Variants in CADPS2 observed in about 807,000 individuals in gnomAD.
CADPS2 encodes the protein calcium dependent secretion activator 2.
A neutral mutation model predicts 172.5 loss-of-function variants in CADPS2; 93 were observed. The observed-to-expected ratio is 0.54, with a 90% confidence interval of 0.46 to 0.64. The LOEUF (loss-of-function observed/expected upper bound fraction) is 0.64. CADPS2 is among the 30% of genes least tolerant of loss of function. The probability of loss-of-function intolerance (pLI) is 0.00; values close to 1 mark genes in which losing one functional copy is unlikely to be tolerated. For missense variants in CADPS2, 1,420 were observed against 1,565.9 expected, an observed-to-expected ratio of 0.91 and a Z score of 1.57; for synonymous variants, 546 against 555.2, an observed-to-expected ratio of 0.98 and a Z score of 0.23.
At chr7:122,640,607 G>A (rs2077523098) in intron 3 of CADPS2, among the ~76,000 whole-genome samples, 1 of 151,784 alleles carries the variant, frequency 6.6e-6, no homozygotes, top group South Asian at 2.1e-4. Flanking sequence ...TTTCCATGCT[G>A]TTCCCTAAAA....
At chr7:122,439,174 T>C (rs2051035291) in intron 16 of CADPS2, among the ~76,000 whole-genome samples, 1 of 152,148 alleles carries the variant, frequency 6.6e-6, no homozygotes, top group South Asian at 2.1e-4. Context: ...ATGTTATTAC[T>C]GGGCAAGGGG....
At chr7:122,448,354 A>G (rs2152016378) in intron 15 of CADPS2, among the ~76,000 whole-genome samples, 1 of 152,188 alleles carries the variant, frequency 6.6e-6, no homozygotes, top group African/African-American at 2.4e-5. Context: ...CTACCATCCA[A>G]TTACCTCCAC....
At chr7:122,788,852 C>T (rs1442668042) in intron 1 of CADPS2, among the ~76,000 whole-genome samples, 1 of 152,174 alleles carries the variant, frequency 6.6e-6, no homozygotes, top group Non-Finnish European at 1.5e-5. Context: ...AACTTGTCCT[C>T]CTCAGGGCTT....
chr7:122,815,970 G>C (rs951381723), intron 1 of CADPS2, among the ~76,000 whole-genome samples: 3 of 152,088 alleles, frequency 2.0e-5, no homozygotes, highest in Non-Finnish European at 2.9e-5. Flanking sequence ...TATCAAATGA[G>C]GGTAATTAGG....
intron 6 of CADPS2, among the ~76,000 whole-genome samples, chr7:122,600,977 C>A (rs2072674102): frequency 6.6e-6 from 1 of 151,954 alleles, no homozygotes; most frequent in African/African-American, 2.4e-5. Context: ...CTGATTTTAA[C>A]AAAAATAATG....
chr7:122,438,543 A>G, intron 16 of CADPS2, 79 bp from the exon 17 acceptor site: 3 of 1,479,114 alleles, frequency 2.0e-6, no homozygotes, highest in Non-Finnish European at 2.8e-6. Context: ...ATGTTGCATA[A>G]AATAAATACT....
intron 8 of CADPS2, among the ~76,000 whole-genome samples, chr7:122,526,631 C>A (rs1205672164): frequency 6.6e-6 from 1 of 152,178 alleles, no homozygotes; most frequent in Admixed American, 6.5e-5. Context: ...CAATTTCATC[C>A]ATTTCTAACA....
chr7:122,739,021 G>A (rs1365694325), intron 1 of CADPS2, among the ~76,000 whole-genome samples: 1 of 152,134 alleles, frequency 6.6e-6, no homozygotes, highest in Non-Finnish European at 1.5e-5. Flanking sequence ...GAAAATGGAA[G>A]CAGGTACCTT....
chr7:122,629,466 T>C (rs1391019984), intron 3 of CADPS2, 138 bp from the exon 4 acceptor site: 1 of 495,768 alleles, frequency 2.0e-6, no homozygotes, highest in East Asian at 3.4e-5. Context: ...AGATATCTAT[T>C]ACAAAGAGAA....
intron 8 of CADPS2, among the ~76,000 whole-genome samples, chr7:122,518,243 A>G (rs965304550): frequency 6.6e-6 from 1 of 152,072 alleles, no homozygotes; most frequent in Non-Finnish European, 1.5e-5. Flanking sequence ...GTTAGAAAAT[A>G]TAACTTGATC....
chr7:122,809,409 A>G (rs984140572), intron 1 of CADPS2, among the ~76,000 whole-genome samples: 3 of 146,008 alleles, frequency 2.1e-5, no homozygotes, highest in Admixed American at 7.0e-5. Context: ...CTCTACTAAA[A>G]AAAAAAAAAA....
At chr7:122,472,518 C>T (rs1022941510) in intron 13 of CADPS2, among the ~76,000 whole-genome samples, 1 of 152,154 alleles carries the variant, frequency 6.6e-6, no homozygotes, top group Non-Finnish European at 1.5e-5. Context: ...AGTCATCTGC[C>T]TCCAAAACAC....
intron 8 of CADPS2, among the ~76,000 whole-genome samples, chr7:122,513,540 G>A (rs945757951): frequency 3.9e-5 from 6 of 152,206 alleles, no homozygotes; most frequent in African/African-American, 1.4e-4. Flanking sequence ...CAATTTGTCA[G>A]TCCTTACCAC....
intron 3 of CADPS2, among the ~76,000 whole-genome samples, chr7:122,654,101 T>C (rs2079476356): frequency 1.3e-5 from 2 of 152,172 alleles, no homozygotes; most frequent in Admixed American, 1.3e-4. Flanking sequence ...ACAGCCAAAT[T>C]GAAGGCTATG....
intron 2 of CADPS2, among the ~76,000 whole-genome samples, chr7:122,704,421 T>TCATTAAGAAGACGGTTTAA (rs1443577079): frequency 6.6e-6 from 1 of 151,990 alleles, no homozygotes; most frequent in Non-Finnish European, 1.5e-5. Flanking sequence ...AATTGAAGCC[T>TCATTAAGAAGACGGTTTAA]CATTAAGAAG....
Position 122,490,081 on chromosome 7 carries a change from A to T in CADPS2, c.1852T>A (p.Ser618Thr). The T allele has an allele frequency of 6.2e-7, 1 of 1,612,948 alleles. No individual in the cohort carries two copies. Among genetic ancestry groups the T allele is most frequent in the Non-Finnish European group, 8.5e-7 (1 of 1,179,258 alleles). Residue 618 changes from serine (S) to threonine (T), a missense_variant and splice_region_variant, in exon 11 of 30, where the codon TCT (serine) becomes ACT (threonine). Physicochemically the swap from Ser to Thr is moderately conservative, Grantham distance 58. Coordinates refer to ENST00000449022, the MANE Select transcript of CADPS2 (RefSeq NM_017954.11). ...GGTLHADAQL[S>T]GKDADRFQKH... ...CAAATTATTTTTTAACAAAACTTAC[A>T]AAGCTGAGCATCTGCATGGAGAGTT...
At position 122,621,619 on chromosome 7, in the gene CADPS2, A is replaced by G. The variant is rs751625057; in HGVS notation, c.966T>C (p.Ser322=). The change falls in exon 5 of 30, where the codon AGT becomes AGC. Residue 322 remains serine, a synonymous_variant. Transcript: ENST00000449022. ...CCGGACCACCTTTCGAAACTGGAAG[A>G]CTTTCCAAATTGGCCATTAGCAAAT... The part of the protein sequence containing the change: ...SVNLLMANLE[S]LPVSKGGPEF... 2.0e-5 allele frequency: 32 copies of G among 1,613,698 alleles called. No homozygotes were observed. Among genetic ancestry groups the G allele is most frequent in the South Asian group, 9.9e-5 (9 of 91,094 alleles).
intron 1 of CADPS2, among the ~76,000 whole-genome samples, chr7:122,855,117 G>A (rs886426457): frequency 6.6e-6 from 1 of 152,184 alleles, no homozygotes; most frequent in Non-Finnish European, 1.5e-5. Context: ...CAGGGTGGGA[G>A]AAGAACACTG....
At chr7:122,560,087 T>C (rs1469019089) in intron 7 of CADPS2, among the ~76,000 whole-genome samples, 1 of 152,078 alleles carries the variant, frequency 6.6e-6, no homozygotes, top group South Asian at 2.1e-4. Flanking sequence ...TGCGGCCAGA[T>C]AGCAATGGTG....
Sources: gnomAD v4.1 joint callset for allele counts (sites outside exome capture counted in the v4.1 genomes callset) on GRCh38, gnomAD v4.1.1 for gene constraint, MANE v1.5 for transcripts, NCBI Gene and HGNC (gene_info 2026-07-23, HGNC 2026-07-21) for gene names.